IGF1R: variants seen among roughly 807,000 people sequenced by gnomAD.
IGF1R encodes the protein insulin-like growth factor 1 receptor.
In IGF1R, 44 loss-of-function variants were observed where a neutral mutation model predicts 144.6. That is an observed-to-expected ratio of 0.30 (90% CI 0.24 to 0.39). The LOEUF is 0.39. IGF1R is among the 10% of genes least tolerant of loss of function. The pLI, the probability that IGF1R is intolerant of heterozygous loss-of-function variation, is 1.00. For missense variants in IGF1R, 1,355 were observed against 1,833.7 expected, an observed-to-expected ratio of 0.74 and a Z score of 4.77; for synonymous variants, 795 against 722.8, an observed-to-expected ratio of 1.10 and a Z score of -1.60.
intron 2 of IGF1R, among the ~76,000 whole-genome samples, chr15:98,834,727 G>C (rs2057062462): frequency 6.6e-6 from 1 of 152,196 alleles, no homozygotes; most frequent in African/African-American, 2.4e-5. Flanking sequence ...GTAGGCTCAA[G>C]CATTGAGGGT....
At chr15:98,671,944 C>T (rs994536807) in intron 1 of IGF1R, among the ~76,000 whole-genome samples, 3 of 152,060 alleles carry the variant, frequency 2.0e-5, no homozygotes, top group East Asian at 1.9e-4. Context: ...GGCGATAAGT[C>T]GAAAGAACTA....
intron 13 of IGF1R, among the ~76,000 whole-genome samples, chr15:98,927,412 T>C (rs2015764375): frequency 1.3e-5 from 2 of 152,234 alleles, no homozygotes; most frequent in African/African-American, 4.8e-5. Context: ...CCAGATGAAA[T>C]AATCTCAGGT....
At chr15:98,805,249 C>T (rs989577148) in intron 2 of IGF1R, among the ~76,000 whole-genome samples, 22 of 152,038 alleles carry the variant, frequency 1.4e-4, no homozygotes, top group African/African-American at 5.1e-4. Flanking sequence ...CAGAGTTGGC[C>T]AGCTAAGCAA....
At chr15:98,847,955 G>A (rs756428727) in intron 2 of IGF1R, among the ~76,000 whole-genome samples, 1 of 152,136 alleles carries the variant, frequency 6.6e-6, no homozygotes, top group Non-Finnish European at 1.5e-5. Flanking sequence ...AGAGCCCCCT[G>A]TTAGATGGAT....
intron 2 of IGF1R, among the ~76,000 whole-genome samples, chr15:98,778,222 C>G (rs1418172161): frequency 6.6e-6 from 1 of 152,170 alleles, no homozygotes; most frequent in Admixed American, 6.5e-5. Context: ...TCCTCGGAGT[C>G]ATGCCACATG....
At chr15:98,669,559 A>G (rs1033303301) in intron 1 of IGF1R, among the ~76,000 whole-genome samples, 2 of 152,222 alleles carry the variant, frequency 1.3e-5, no homozygotes, top group Admixed American at 6.5e-5. Flanking sequence ...AGGGTTAGAT[A>G]TCTGGACAGG....
intron 2 of IGF1R, among the ~76,000 whole-genome samples, chr15:98,836,523 A>AC (rs2057106055): frequency 8.8e-6 from 1 of 113,790 alleles, no homozygotes; most frequent in Non-Finnish European, 1.6e-5. Context: ...TGTCTCTTTA[A>AC]AAAAAAAAAA....
At chr15:98,668,315 G>T (rs141859878) in intron 1 of IGF1R, among the ~76,000 whole-genome samples, 1 of 152,328 alleles carries the variant, frequency 6.6e-6, no homozygotes, top group East Asian at 1.9e-4. Context: ...AGGGGACACA[G>T]TCATGCAGTT....
chr15:98,688,073 C>T (rs1215329888), intron 1 of IGF1R, among the ~76,000 whole-genome samples: 3 of 152,092 alleles, frequency 2.0e-5, no homozygotes, highest in African/African-American at 7.2e-5. Flanking sequence ...GTTTGAGTCC[C>T]AGTGATTGAG....
At chr15:98,860,741 T>A (rs1688377489) in intron 2 of IGF1R, among the ~76,000 whole-genome samples, 1 of 151,208 alleles carries the variant, frequency 6.6e-6, no homozygotes, top group Non-Finnish European at 1.5e-5. Context: ...ATGTCTCCAT[T>A]TCTGTTTAAT....
At chr15:98,666,255 G>T (rs1232660598) in intron 1 of IGF1R, among the ~76,000 whole-genome samples, 3 of 151,864 alleles carry the variant, frequency 2.0e-5, no homozygotes, top group Admixed American at 6.6e-5. Flanking sequence ...TGGAACCCTT[G>T]TGCCTTACTG....
chr15:98,795,146 T>G (rs570602583), intron 2 of IGF1R, among the ~76,000 whole-genome samples: 3 of 152,350 alleles, frequency 2.0e-5, no homozygotes, highest in African/African-American at 7.2e-5. Context: ...AAATATTGAC[T>G]ATTGTAGCAG....
At chr15:98,832,802 A>T (rs1296509411) in intron 2 of IGF1R, among the ~76,000 whole-genome samples, 1 of 152,228 alleles carries the variant, frequency 6.6e-6, no homozygotes, top group Non-Finnish European at 1.5e-5. Context: ...GATACAAGGT[A>T]TGCCATGGTT....
intron 7 of IGF1R, 64 bp downstream of exon 7, chr15:98,911,505 T>G (rs2015017828): frequency 4.4e-6 from 7 of 1,608,116 alleles, no homozygotes; most frequent in African/African-American, 1.3e-5. Context: ...AGGCCAGTCT[T>G]TCGATCCTTG....
At chr15:98,683,726 A>G (rs1044093927) in intron 1 of IGF1R, among the ~76,000 whole-genome samples, 16 of 152,296 alleles carry the variant, frequency 1.1e-4, no homozygotes, top group Non-Finnish European at 1.8e-4. Flanking sequence ...TTTATTGTTT[A>G]AAGTTTTTGT....
At chr15:98,876,954 G>A (rs1567173481) in intron 2 of IGF1R, among the ~76,000 whole-genome samples, 1 of 152,240 alleles carries the variant, frequency 6.6e-6, no homozygotes, top group Non-Finnish European at 1.5e-5. Flanking sequence ...CAGATTTGAT[G>A]ATGGAAAAGA....
intron 2 of IGF1R, among the ~76,000 whole-genome samples, chr15:98,846,256 G>A (rs1298243199): frequency 2.0e-5 from 3 of 152,214 alleles, no homozygotes; most frequent in Non-Finnish European, 4.4e-5. Flanking sequence ...GTACCGTGGT[G>A]TTGAGCAGTT....
At chr15:98,746,696 C>T (rs972968586) in intron 2 of IGF1R, among the ~76,000 whole-genome samples, 11 of 152,180 alleles carry the variant, frequency 7.2e-5, no homozygotes, top group African/African-American at 2.7e-4. Flanking sequence ...GTTCAAGTCA[C>T]AAGGTCTGCT....
At chr15:98,886,392 A>T (rs2013642587) in intron 2 of IGF1R, among the ~76,000 whole-genome samples, 1 of 152,186 alleles carries the variant, frequency 6.6e-6, no homozygotes, top group Admixed American at 6.5e-5. Flanking sequence ...GATGTGGGAC[A>T]TGTTAGCTTT....
Sources: allele counts gnomAD v4.1 joint callset (sites outside exome capture counted in the v4.1 genomes callset), GRCh38; gene constraint gnomAD v4.1.1; transcripts MANE v1.5; gene names NCBI Gene and HGNC (gene_info 2026-07-23, HGNC 2026-07-21).